Variants in PDZD2 observed in about 807,000 individuals in gnomAD.
PDZD2 encodes the protein PDZ domain-containing protein 2.
A neutral mutation model predicts 220.7 loss-of-function variants in PDZD2; 90 were observed. The observed-to-expected ratio is 0.41, with a 90% CI of 0.34 to 0.49. The LOEUF is 0.49. Ranked by LOEUF, PDZD2 falls within the 20% of genes least tolerant of loss-of-function variation. The pLI is 0.28. For missense variants in PDZD2, 3,174 were observed against 3,608.5 expected (o/e 0.88, Z 3.08); for synonymous variants, 1,375 against 1,450.5 (o/e 0.95, Z 1.18).
At chr5:31,956,067 G>A (rs1209796336) in intron 2 of PDZD2, among the ~76,000 whole-genome samples, 2 of 152,042 alleles carry the variant, frequency 1.3e-5, no homozygotes, top group African/African-American at 4.8e-5. Flanking sequence ...AATGTCCCAT[G>A]TGCACATGAA....
chr5:31,656,536 G>T (rs773492267), intron 1 of PDZD2, among the ~76,000 whole-genome samples: 1 of 152,182 alleles, frequency 6.6e-6, no homozygotes, highest in Non-Finnish European at 1.5e-5. Context: ...CTTGTTTAAT[G>T]TATTGACAGC....
At chr5:32,048,515 T>C (rs760772846) in intron 7 of PDZD2, 24 bp from the exon 8 acceptor site, 1 of 1,605,034 alleles carries the variant, frequency 6.2e-7, no homozygotes, top group African/African-American at 1.3e-5. Flanking sequence ...TATCAAACTA[T>C]GTTTTCTCCT....
chr5:31,858,069 G>A (rs529627916), intron 2 of PDZD2, among the ~76,000 whole-genome samples: 1 of 152,094 alleles, frequency 6.6e-6, no homozygotes, highest in Non-Finnish European at 1.5e-5. Flanking sequence ...CAGGTGATCT[G>A]CCCGTCTTGG....
chr5:31,964,290 A>G (rs1222563647), intron 2 of PDZD2, among the ~76,000 whole-genome samples: 1 of 152,208 alleles, frequency 6.6e-6, no homozygotes, highest in Non-Finnish European at 1.5e-5. Context: ...ATCTGAGTCC[A>G]TTATCCCATT....
At chr5:31,807,402 A>G (rs1754801231) in intron 2 of PDZD2, among the ~76,000 whole-genome samples, 1 of 152,186 alleles carries the variant, frequency 6.6e-6, no homozygotes, top group South Asian at 2.1e-4. Context: ...TGAGTGGATG[A>G]CAGATGATTT....
intron 2 of PDZD2, among the ~76,000 whole-genome samples, chr5:31,849,893 T>TATATATATATACATATATATATATAC (rs1757831366): frequency 3.5e-5 from 1 of 28,560 alleles, no homozygotes; most frequent in South Asian, 9.9e-4. Flanking sequence ...TATATACACA[T>TATATATATATACATATATATATATAC]ATATATATAT....
At chr5:31,864,403 G>GT (rs1409818541) in intron 2 of PDZD2, among the ~76,000 whole-genome samples, 6 of 152,074 alleles carry the variant, frequency 3.9e-5, no homozygotes, top group Admixed American at 3.9e-4. Flanking sequence ...TGTGCCTTCT[G>GT]TTTCCTGCTG....
At chr5:32,052,047 A>C (rs971774351) in intron 8 of PDZD2, among the ~76,000 whole-genome samples, 2 of 152,176 alleles carry the variant, frequency 1.3e-5, no homozygotes, top group Non-Finnish European at 2.9e-5. Flanking sequence ...GAATCTGTGG[A>C]ATGAGGTCAA....
intron 6 of PDZD2, among the ~76,000 whole-genome samples, chr5:32,031,803 C>A (rs1755140252): frequency 6.6e-6 from 1 of 152,144 alleles, no homozygotes; most frequent in Non-Finnish European, 1.5e-5. Flanking sequence ...CTCATGATAA[C>A]CCTGTAAGAC....
Position 31,728,034 on chromosome 5 carries a change from G to A in PDZD2, c.-360-70855G>A, listed in dbSNP as rs939797713. On this transcript the variant is annotated intron_variant, in intron 1 of 24. Transcript: ENST00000438447. ...AAAAAAAAAAAAAGATCAGGCAGAA[G>A]ACCGTCGCTGACCACCTATGGGCAT... is the stretch of plus-strand genomic sequence containing the variant. Among the ~76,000 whole-genome samples, 9 of 148,346 alleles carry A rather than the reference G, an allele frequency of 6.1e-5. No homozygotes were observed. In the South Asian group the frequency reaches 1.3e-3, roughly 21 times the overall value.
chr5:31,823,285 G>C, intron 2 of PDZD2: 1 of 330,018 alleles, frequency 3.0e-6, no homozygotes, highest in Non-Finnish European at 5.8e-6. Context: ...GCCAAGGCAT[G>C]GTGAAACCTG....
intron 2 of PDZD2, among the ~76,000 whole-genome samples, chr5:31,815,845 G>C (rs527973925): frequency 1.3e-5 from 2 of 151,974 alleles, no homozygotes; most frequent in East Asian, 1.9e-4. Context: ...TTTAGGTAAG[G>C]TTACAAAAAT....
chr5:31,859,276 T>A (rs952863606), intron 2 of PDZD2, among the ~76,000 whole-genome samples: 5 of 152,316 alleles, frequency 3.3e-5, no homozygotes, highest in African/African-American at 1.2e-4. Flanking sequence ...CAATTAAACC[T>A]TCTCTATTGC....
At chr5:31,980,764 T>C (rs1444376045) in intron 2 of PDZD2, among the ~76,000 whole-genome samples, 2 of 152,172 alleles carry the variant, frequency 1.3e-5, no homozygotes, top group Non-Finnish European at 2.9e-5. Flanking sequence ...ATTTTTATTT[T>C]TGAGACTAGT....
chr5:31,824,021 A>C (rs1756064442), intron 2 of PDZD2, among the ~76,000 whole-genome samples: 2 of 152,340 alleles, frequency 1.3e-5, no homozygotes, highest in African/African-American at 4.8e-5. Flanking sequence ...GATGGCAAGG[A>C]TGTTGCATCT....
chr5:31,898,652 A>G (rs1741792256), intron 2 of PDZD2, among the ~76,000 whole-genome samples: 1 of 152,082 alleles, frequency 6.6e-6, no homozygotes. Flanking sequence ...GCTTGCACAT[A>G]GTGTGTGGAT....
chr5:31,737,320 C>A (rs1054330842), intron 1 of PDZD2, among the ~76,000 whole-genome samples: 4 of 151,718 alleles, frequency 2.6e-5, no homozygotes, highest in Admixed American at 6.6e-5. Context: ...CTACAGGCGC[C>A]CACCACCACG....
chr5:31,762,786 T>C (rs1161181676), intron 1 of PDZD2, among the ~76,000 whole-genome samples: 1 of 152,204 alleles, frequency 6.6e-6, no homozygotes, highest in Non-Finnish European at 1.5e-5. Flanking sequence ...ATCTGAGGAT[T>C]GGGGAGGGAG....
chr5:31,752,021 TTC>T (rs746577277), intron 1 of PDZD2, among the ~76,000 whole-genome samples: 3 of 151,150 alleles, frequency 2.0e-5, no homozygotes, highest in Non-Finnish European at 2.9e-5. Context: ...TCGAGCAGAT[TTC>T]TCTCTCTCTC....
Sources: gnomAD v4.1 joint callset for allele counts (sites outside exome capture counted in the v4.1 genomes callset) on GRCh38, gnomAD v4.1.1 for gene constraint, MANE v1.5 for transcripts, NCBI Gene and HGNC (gene_info 2026-07-23, HGNC 2026-07-21) for gene names.